RAD51AP1: variants seen among roughly 807,000 people sequenced by gnomAD.
RAD51AP1 encodes RAD51-associated protein 1.
RAD51AP1 carries 14 observed loss-of-function variants against 34.3 expected under a neutral mutation model. The ratio of observed to expected loss-of-function variants is 0.41; its 90% confidence interval spans 0.27 to 0.64. RAD51AP1 has a LOEUF of 0.64. Ranked by LOEUF, RAD51AP1 falls within the 30% of genes least tolerant of loss-of-function variation. The pLI is 0.33. For missense variants in RAD51AP1, 348 were observed against 386.9 expected, an observed-to-expected ratio of 0.90 and a Z score of 0.84; for synonymous variants, 114 against 129.8, an observed-to-expected ratio of 0.88 and a Z score of 0.83.
Position 4,540,380 on chromosome 12 carries a change from T to G in RAD51AP1, c.17+1424T>G, listed in dbSNP as rs116707632. Reference sequence around the variant, plus strand: ...CCCTGGAAACTTCTCTAGAGGTCTATGAGGTCAAAACTCCTTTCATAACAA... The same window carrying G: ...CCCTGGAAACTTCTCTAGAGGTCTAGGAGGTCAAAACTCCTTTCATAACAA... On this transcript the variant is annotated intron_variant, in intron 1 of 8. Transcript: ENST00000352618. Among the ~76,000 whole-genome samples, 848 of 152,308 alleles carry G rather than the reference T, an allele frequency of 5.6e-3. 4 individuals are homozygous for G. The highest frequency in any genetic ancestry group is 0.019 in the African/African-American group (794 of 41,564).
intron 4 of RAD51AP1, 143 bp from the exon 5 acceptor site, chr12:4,547,949 T>C: frequency 1.2e-6 from 1 of 851,060 alleles, no homozygotes; most frequent in East Asian, 3.1e-5. Context: ...TATGTTAACC[T>C]CTCTGAATAA....
rs71579241 is a variant in RAD51AP1, at chr12:4,556,334, C to T, written c.722-19C>T. ...TCTTCCTGCATGACAAACATTTTTACGTATATTTTTCAAATAAGTGACTTC... is the reference window on the plus strand; with the variant it reads ...TCTTCCTGCATGACAAACATTTTTATGTATATTTTTCAAATAAGTGACTTC... On this transcript the variant is annotated intron_variant, in intron 7 of 8. Coordinates refer to ENST00000352618, the MANE Select transcript of RAD51AP1 (RefSeq NM_006479.5). 1.0e-5 allele frequency: 16 copies of T among 1,581,616 alleles called. No homozygotes were observed. The highest frequency in any genetic ancestry group is 4.5e-5 in the South Asian group (4 of 89,042).
Position 4,558,354 on chromosome 12 carries a change from C to T in RAD51AP1, c.872-503C>T, listed in dbSNP as rs76702476. ...AACTACAGTCACCATCAACTGTGAA[C>T]ATTCATGTGGATAATTTTGAAATAG... On this transcript the variant is annotated intron_variant, in intron 8 of 8. Transcript: ENST00000352618. 3.8e-3 allele frequency among the ~76,000 whole-genome samples: 575 copies of T among 152,128 alleles called. 6 individuals are homozygous for T. The highest frequency in any genetic ancestry group is 0.013 in the African/African-American group (543 of 41,500).
At chr12:4,547,976 G>A in intron 4 of RAD51AP1, 116 bp from the exon 5 acceptor site, 3 of 1,042,782 alleles carry the variant, frequency 2.9e-6, no homozygotes, top group Non-Finnish European at 4.0e-6. Flanking sequence ...TGTGCCAGTT[G>A]GAGTTTGGGA....
intron 3 of RAD51AP1, among the ~76,000 whole-genome samples, chr12:4,544,325 A>T (rs1356021393): frequency 6.6e-6 from 1 of 152,168 alleles, no homozygotes; most frequent in Non-Finnish European, 1.5e-5. Flanking sequence ...TCTTCTCCCC[A>T]TGTTGTTAAG....
intron 6 of RAD51AP1, among the ~76,000 whole-genome samples, chr12:4,550,927 A>G (rs1333771771): frequency 6.6e-6 from 1 of 152,186 alleles, no homozygotes; most frequent in Non-Finnish European, 1.5e-5. Flanking sequence ...GAGGTGAACC[A>G]CTGTGCCCAG....
At chr12:4,542,055 A>G (rs1370120656) in intron 2 of RAD51AP1, 122 bp downstream of exon 2, 11 of 479,826 alleles carry the variant, frequency 2.3e-5, no homozygotes, top group Non-Finnish European at 4.0e-5. Flanking sequence ...AGGTCTGGAA[A>G]GATAGTTTTC....
intron 8 of RAD51AP1, 124 bp from the exon 9 acceptor site, chr12:4,558,733 G>T: frequency 8.8e-7 from 1 of 1,139,498 alleles, no homozygotes; most frequent in East Asian, 2.6e-5. Flanking sequence ...CTAGTTTATT[G>T]CTTGATAGAC....
chr12:4,541,801 A>T, intron 1 of RAD51AP1, 83 bp from the exon 2 acceptor site: 1 of 507,534 alleles, frequency 2.0e-6, no homozygotes, highest in Non-Finnish European at 3.3e-6. Flanking sequence ...TTAAATAAAT[A>T]AATAATATTC....
At position 4,548,000 on chromosome 12, in the gene RAD51AP1, T is replaced by G; in HGVS notation, c.320-92T>G. 3 of 1,277,268 alleles carry G rather than the reference T, an allele frequency of 2.3e-6. No individual in the cohort carries two copies. In the South Asian group the frequency reaches 4.7e-5, roughly 20 times the overall value. The allele number at this position is 1,277,268 out of a possible 1,614,324, so 79.1% of individuals were successfully genotyped here. A position where few individuals can be genotyped will look rare whatever the true frequency, so the allele number is the denominator to read the frequency against. On this transcript the variant is annotated intron_variant, in intron 4 of 8. Transcript: ENST00000352618. ...TGGAGTTTGGGATCATTTATTTATA[T>G]CTAAATGCTATTACATTTTAGTACT...
intron 6 of RAD51AP1, among the ~76,000 whole-genome samples, chr12:4,551,691 A>C (rs577031963): frequency 4.6e-5 from 7 of 152,226 alleles, no homozygotes; most frequent in African/African-American, 1.7e-4. Context: ...ATACCAAGAA[A>C]CTAGTGTTGG....
chr12:4,541,832 G>A lies in RAD51AP1; in HGVS notation c.18-52G>A, dbSNP rs370133800. On this transcript the variant is annotated intron_variant, in intron 1 of 8. Transcript: ENST00000352618. ...TATTCATTAATAGCCTTAAGTAATA[G>A]TGGTGAGAAATTGACATTTGTGTTA... 9.8e-4 allele frequency: 857 copies of A among 875,690 alleles called. 3 individuals carry two copies. In the African/African-American group the frequency reaches 0.014, roughly 14 times the overall value. 54.2% of individuals were successfully genotyped at this position (875,690 alleles called of 1,614,324 possible). A position where few individuals can be genotyped will look rare whatever the true frequency, so the allele number is the denominator to read the frequency against.
Position 4,548,607 on chromosome 12 carries a change from G to A in RAD51AP1, c.407-80G>A, listed in dbSNP as rs74690903. The A allele has an allele frequency of 0.01, 15,068 of 1,472,644 alleles. 586 individuals are homozygous for A. The African/African-American group carries it at 0.12, about 12-fold the overall frequency. The allele number at this position is 1,472,644 out of a possible 1,614,324, so 91.2% of individuals were successfully genotyped here. On this transcript the variant is annotated intron_variant, in intron 5 of 8. Coordinates refer to ENST00000352618, the MANE Select transcript of RAD51AP1 (RefSeq NM_006479.5). ...ACCTGGGCAAATAAAAACAATAGCT[G>A]TAATAGAGTCTGGTCTGCAGTTCTT...
intron 6 of RAD51AP1, 40 bp from the exon 7 acceptor site, chr12:4,552,942 CT>C: frequency 6.7e-7 from 1 of 1,496,598 alleles, no homozygotes; most frequent in Non-Finnish European, 8.9e-7. Flanking sequence ...AGAATCCTCA[CT>C]TTTTAGAGCA....
intron 7 of RAD51AP1, among the ~76,000 whole-genome samples, chr12:4,553,922 G>T (rs567345147): frequency 6.6e-6 from 1 of 152,194 alleles, no homozygotes; most frequent in African/African-American, 2.4e-5. Flanking sequence ...ATTCATAGGA[G>T]CTGCTGTCAC....
chr12:4,557,153 A>G (rs1022418924), intron 8 of RAD51AP1, among the ~76,000 whole-genome samples: 2 of 152,166 alleles, frequency 1.3e-5, no homozygotes, highest in Non-Finnish European at 2.9e-5. Context: ...CGTCCACTTC[A>G]GTGAAATTGA....
rs1944583177 is a variant in RAD51AP1, at chr12:4,556,397, C to T, written c.766C>T (p.Gln256Ter). The T allele has an allele frequency of 6.2e-7, 1 of 1,613,720 alleles. No individual in the cohort carries two copies. The highest frequency in any genetic ancestry group is 1.7e-5 in the Admixed American group (1 of 59,988). The change falls in exon 8 of 9, where the codon CAG becomes TAG. Residue 256 changes from glutamine (Q) to a stop codon, truncating the protein, a stop_gained. Transcript: ENST00000352618. LOFTEE classifies it high-confidence loss of function. ...TCCAGCTGCCGTCAAATCAGAATCT[C>T]AGTCCTTGCCAAAAAAGGTTTCTCT... The part of the protein sequence containing the change: ...SAPAAVKSES[Q>*]SLPKKVSLSS...
chr12:4,545,938 G>T, intron 3 of RAD51AP1: 1 of 1,332,994 alleles, frequency 7.5e-7, no homozygotes, highest in Non-Finnish European at 1.0e-6. Context: ...TCTGCTAAAG[G>T]GGAGTGGGTG....
At chr12:4,547,885 A>G (rs938388405) in intron 4 of RAD51AP1, among the ~76,000 whole-genome samples, 18 of 152,226 alleles carry the variant, frequency 1.2e-4, no homozygotes, top group African/African-American at 4.3e-4. Context: ...GCCAGTTTAC[A>G]TGGTAGAGCC....
Sources: gnomAD v4.1 joint callset for allele counts (sites outside exome capture counted in the v4.1 genomes callset) on GRCh38, gnomAD v4.1.1 for gene constraint, MANE v1.5 for transcripts, NCBI Gene and HGNC (gene_info 2026-07-23, HGNC 2026-07-21) for gene names.